LGALS9: variants seen among roughly 807,000 people sequenced by gnomAD.
LGALS9 encodes the protein galectin 9.
LGALS9 carries 26 observed loss-of-function variants against 35.9 expected under a neutral mutation model. The ratio of observed to expected loss-of-function variants is 0.72; its 90% CI spans 0.53 to 1.01. LGALS9 has a LOEUF of 1.01. LGALS9 is among the 50% of genes least tolerant of loss of function. The pLI is 0.00. For missense variants in LGALS9, 347 were observed against 445.8 expected (o/e 0.78, Z 1.99); for synonymous variants, 149 against 172.2 (o/e 0.87, Z 1.06).
intron 8 of LGALS9, 108 bp from the exon 9 acceptor site, chr17:27,646,922 A>C (rs566341754): frequency 6.6e-7 from 1 of 1,514,662 alleles, no homozygotes; most frequent in East Asian, 2.3e-5. Flanking sequence ...TTATGGAACC[A>C]AGTAAAGATA....
chr17:27,631,312 C>A lies in LGALS9; in HGVS notation c.39+8C>A. 6.2e-7 allele frequency: 1 copy of A among 1,614,130 alleles called. No individual in the cohort carries two copies. Among genetic ancestry groups the A allele is most frequent in the East Asian group, 2.2e-5 (1 of 44,878 alleles). ...GCTCCCTACCTGAGTCCAGTGAGTT[C>A]CAGGGCTATGGGCACAGGGCTGCCT... On this transcript the variant is annotated splice_region_variant and intron_variant, in intron 1 of 10. Coordinates refer to ENST00000395473, the MANE Select transcript of LGALS9 (RefSeq NM_009587.3).
intron 1 of LGALS9, among the ~76,000 whole-genome samples, chr17:27,631,906 G>A (rs2074397108): frequency 6.6e-6 from 1 of 152,080 alleles, no homozygotes; most frequent in South Asian, 2.1e-4. Flanking sequence ...TCCCGAGGAG[G>A]TGTCTGTGCT....
chr17:27,640,922 A>G (rs1302503088), intron 3 of LGALS9, 149 bp downstream of exon 3: 3 of 1,248,116 alleles, frequency 2.4e-6, no homozygotes, highest in Admixed American at 2.0e-5. Flanking sequence ...GGTGTTACCC[A>G]TGGCTGCCTA....
In LGALS9 at chr17:27,648,062, A is replaced by G. The variant is rs569820071; in HGVS notation, c.921+630A>G. On this transcript the variant is annotated intron_variant, in intron 10 of 10. Coordinates refer to ENST00000395473, the MANE Select transcript of LGALS9 (RefSeq NM_009587.3). The stretch of plus-strand genomic sequence containing the variant: ...ATCACCCAGAGAGCTTACAAAGGAA[A>G]TATCAGTGCTGGGACCCCAGCCCAG... 2.0e-5 allele frequency among the ~76,000 whole-genome samples: 3 copies of G among 152,356 alleles called. No homozygotes were observed. In the East Asian group the frequency reaches 5.8e-4, roughly 29 times the overall value.
intron 9 of LGALS9, 64 bp downstream of exon 9, chr17:27,647,182 C>T: frequency 6.2e-7 from 1 of 1,613,904 alleles, no homozygotes; most frequent in Non-Finnish European, 8.5e-7. Context: ...CCAGCCATTC[C>T]CCTGGCTTCA....
chr17:27,632,531 A>T (rs1176010079), intron 1 of LGALS9, among the ~76,000 whole-genome samples: 1 of 152,090 alleles, frequency 6.6e-6, no homozygotes, highest in Non-Finnish European at 1.5e-5. Context: ...ACCTGCACAG[A>T]GGGGGCTGGG....
intron 1 of LGALS9, among the ~76,000 whole-genome samples, chr17:27,634,546 T>C (rs2074423124): frequency 6.6e-6 from 1 of 152,020 alleles, no homozygotes; most frequent in Non-Finnish European, 1.5e-5. Context: ...AATGAGATCC[T>C]GTCTCAAAAA....
In LGALS9 at chr17:27,640,652, A is replaced by T; in HGVS notation, c.212A>T (p.Tyr71Phe). The T allele has an allele frequency of 6.2e-7, 1 of 1,614,236 alleles. No homozygotes were observed. The highest frequency in any genetic ancestry group is 8.5e-7 in the Non-Finnish European group (1 of 1,180,026). ...AACCCTCGGTTTGAAGATGGAGGGT[A>T]CGTGGTGTGCAACACGAGGCAGAAC... The part of the protein sequence containing the change: ...HFNPRFEDGG[Y>F]VVCNTRQNGS... The change falls in exon 3 of 11, where the codon TAC (tyrosine) becomes TTC (phenylalanine). Residue 71 changes from tyrosine to phenylalanine, a missense_variant. By Grantham distance (22) the Tyr-to-Phe change is conservative (BLOSUM62 3). Coordinates refer to ENST00000395473, the MANE Select transcript of LGALS9 (RefSeq NM_009587.3).
At chr17:27,641,139 C>G (rs1904463167) in intron 3 of LGALS9, 1 of 418,244 alleles carries the variant, frequency 2.4e-6, no homozygotes. Context: ...CAGCCTTTAT[C>G]CAGGGTCTAT....
chr17:27,643,807 C>G (rs1446880653), intron 5 of LGALS9, among the ~76,000 whole-genome samples, 187 bp downstream of exon 5: 2 of 152,160 alleles, frequency 1.3e-5, no homozygotes, highest in African/African-American at 2.4e-5. Context: ...GGATTCTTCA[C>G]TCCCTCTTCT....
chr17:27,649,279 GC>G lies in LGALS9; in HGVS notation c.*301del. 4.0e-6 allele frequency: 2 copies of G among 497,470 alleles called. No individual in the cohort carries two copies. The highest frequency in any genetic ancestry group is 7.4e-6 in the Non-Finnish European group (2 of 270,106). 30.8% of individuals were successfully genotyped at this position (497,470 alleles called of 1,614,324 possible). A position where few individuals can be genotyped will look rare whatever the true frequency, so the allele number is the denominator to read the frequency against. ...GGGAGGAGTGGGCAGTGAAGATGAA[GC>G]CCCATGCTCAGTCCCCTCCCATCCC... On this transcript the variant is annotated 3_prime_UTR_variant, in exon 11 of 11. Coordinates refer to ENST00000395473, the MANE Select transcript of LGALS9 (RefSeq NM_009587.3).
In LGALS9 at chr17:27,642,342, C is replaced by A. The variant is rs1241505005; in HGVS notation, c.438C>A (p.Ser146Arg). 3.1e-6 allele frequency: 5 copies of A among 1,611,846 alleles called. No individual in the cohort carries two copies. The highest frequency in any genetic ancestry group is 4.2e-6 in the Non-Finnish European group (5 of 1,179,822). The change falls in exon 4 of 11, where the codon AGC (serine) becomes AGA (arginine). Residue 146 changes from serine (S) to arginine (R), a missense_variant. Transcript: ENST00000395473. ...GCTCTGTGCAGCTGTCCTACATCAGCTTCCAGGTCAGACTGTCCACCTGGC... is the reference window on the plus strand; with the variant it reads ...GCTCTGTGCAGCTGTCCTACATCAGATTCCAGGTCAGACTGTCCACCTGGC... ...VNGSVQLSYISFQNPRTVPVQ... is the reference protein window; with the variant it reads ...VNGSVQLSYIRFQNPRTVPVQ...
At chr17:27,632,237 G>A (rs1484664583) in intron 1 of LGALS9, among the ~76,000 whole-genome samples, 1 of 151,354 alleles carries the variant, frequency 6.6e-6, no homozygotes, top group Admixed American at 6.6e-5. Context: ...TGGAGAGGGT[G>A]GGCTGATGGG....
At chr17:27,640,513 G>A in intron 2 of LGALS9, 59 bp from the exon 3 acceptor site, 2 of 1,610,744 alleles carry the variant, frequency 1.2e-6, no homozygotes, top group South Asian at 2.2e-5. Flanking sequence ...AGGCCCTCCT[G>A]TGCCTGTCAC....
At chr17:27,636,455 G>A (rs569622931) in intron 1 of LGALS9, among the ~76,000 whole-genome samples, 24 of 152,064 alleles carry the variant, frequency 1.6e-4, no homozygotes, top group Non-Finnish European at 3.1e-4. Context: ...ATTTCATTTT[G>A]TATCTCTATA....
chr17:27,632,665 T>C (rs2074404574), intron 1 of LGALS9, among the ~76,000 whole-genome samples: 1 of 152,204 alleles, frequency 6.6e-6, no homozygotes, highest in Non-Finnish European at 1.5e-5. Flanking sequence ...TTCTGACATA[T>C]TATTATTCTG....
intron 3 of LGALS9, 152 bp downstream of exon 3, chr17:27,640,925 G>C: frequency 8.1e-7 from 1 of 1,232,660 alleles, no homozygotes; most frequent in Admixed American, 2.0e-5. Context: ...GTTACCCATG[G>C]CTGCCTAGTC....
intron 1 of LGALS9, among the ~76,000 whole-genome samples, chr17:27,635,141 G>T (rs373022863): frequency 6.6e-6 from 1 of 152,294 alleles, no homozygotes; most frequent in African/African-American, 2.4e-5. Context: ...TTTGTAGGAT[G>T]ATATTCAATT....
chr17:27,640,884 T>C (rs1444634111), intron 3 of LGALS9, 111 bp downstream of exon 3: 1 of 1,475,842 alleles, frequency 6.8e-7, no homozygotes, highest in Non-Finnish European at 9.3e-7. Context: ...GACACCACTA[T>C]ACAGATAACA....
Sources: gnomAD v4.1 joint callset for allele counts (sites outside exome capture counted in the v4.1 genomes callset) on GRCh38, gnomAD v4.1.1 for gene constraint, MANE v1.5 for transcripts, NCBI Gene and HGNC (gene_info 2026-07-23, HGNC 2026-07-21) for gene names.